ZNF606: variants seen among roughly 807,000 people sequenced by gnomAD.
ZNF606 encodes zinc finger protein 328.
Under a neutral mutation model 74.9 loss-of-function variants are expected in ZNF606, and 37 were observed. That is an observed-to-expected ratio of 0.49 (90% confidence interval 0.38 to 0.65). ZNF606 has a LOEUF of 0.65. Among genes scored for constraint, ZNF606 ranks in the 30% least tolerant of loss-of-function variants. The pLI is 0.00. For synonymous variants in ZNF606, 328 were observed against 312.4 expected, an observed-to-expected ratio of 1.05 and a Z score of -0.53; for missense variants, 852 against 952.9, an observed-to-expected ratio of 0.89 and a Z score of 1.39.
intron 6 of ZNF606, 74 bp downstream of exon 6, chr19:57,988,133 C>T (rs1340286306): frequency 4.9e-6 from 6 of 1,231,820 alleles, no homozygotes; most frequent in South Asian, 1.4e-5. Flanking sequence ...GGTAACTCTT[C>T]ATGGCCTTAT....
intron 3 of ZNF606, chr19:58,000,449 T>A (rs1412143258): frequency 9.8e-6 from 6 of 612,022 alleles, no homozygotes; most frequent in African/African-American, 1.8e-5. Context: ...ATGGTCTCGA[T>A]CTCCTGACCT....
In ZNF606 at chr19:57,979,070, T is replaced by C. The variant is rs1392048458; in HGVS notation, c.1610A>G (p.Glu537Gly). Residue 537 changes from glutamate to glycine, a missense_variant, in exon 7 of 7, where the codon GAG becomes GGG. Glu to Gly is a moderately conservative substitution (Grantham distance 98). This residue lies in a region of ZNF606 where 243 missense variants were observed against 359.2 expected (regional missense o/e 0.68). Coordinates refer to ENST00000551380, the MANE Select transcript of ZNF606 (RefSeq NM_001348022.3). ...LIAHMRMHTG[E>G]KPFKCDECEK... ...ACATTCATCACATTTAAAGGGTTTC[T>C]CTCCAGTATGCATTCTCATATGGGC... 6.2e-7 allele frequency: 1 copy of C among 1,614,026 alleles called. No homozygotes were observed. Among genetic ancestry groups the C allele is most frequent in the African/African-American group, 1.3e-5 (1 of 74,918 alleles).
At chr19:57,996,898 T>G (rs1301952840) in intron 4 of ZNF606, among the ~76,000 whole-genome samples, 1 of 152,240 alleles carries the variant, frequency 6.6e-6, no homozygotes, top group African/African-American at 2.4e-5. Context: ...ATCTAGGCAT[T>G]CTAAGCACTT....
At position 58,002,431 on chromosome 19, in the gene ZNF606, G is replaced by A. The variant is rs572115908; in HGVS notation, c.-87C>T. 172 of 455,884 alleles carry A rather than the reference G, an allele frequency of 3.8e-4. No homozygotes were observed. The highest frequency in any genetic ancestry group is 2.9e-3 in the African/African-American group (147 of 50,180). 28.2% of individuals were successfully genotyped at this position (455,884 alleles called of 1,614,324 possible). A position where few individuals can be genotyped will look rare whatever the true frequency, so the allele number is the denominator to read the frequency against. ...GCCGGCGGTCCCCCTTGAAGGCGGC[G>A]CAGCAGGATCGGGGTCTGCCCGCCT... On this transcript the variant is annotated 5_prime_UTR_variant, in exon 1 of 7. Coordinates refer to ENST00000551380, the MANE Select transcript of ZNF606 (RefSeq NM_001348022.3).
chr19:58,001,284 C>T lies in ZNF606; in HGVS notation c.31+5G>A, dbSNP rs201292254. The T allele has an allele frequency of 2.6e-5, 42 of 1,614,094 alleles. No individual in the cohort carries two copies. The highest frequency in any genetic ancestry group is 1.3e-4 in the Admixed American group (8 of 60,020). Reference sequence around the variant, plus strand: ...AGGCCCAGGAGAAACACAACTTGGACTCACCCCAGGAGGCCCACGGGTTGA... The same window carrying T: ...AGGCCCAGGAGAAACACAACTTGGATTCACCCCAGGAGGCCCACGGGTTGA... On this transcript the variant is annotated splice_donor_5th_base_variant and intron_variant, in intron 2 of 6. Transcript: ENST00000551380.
At position 57,978,796 on chromosome 19, in the gene ZNF606, T is replaced by G. The variant is rs772068767; in HGVS notation, c.1884A>C (p.Lys628Asn). ...CCATCTGGCTACAGGATTTTCCACA[T>G]TTATTACATTCATAGGGCTTAATTC... ...HSGIKPYECN[K>N]CGKSCSQMAH... The change falls in exon 7 of 7, where the codon AAA becomes AAC. Residue 628 changes from lysine (K) to asparagine (N), a missense_variant. Transcript: ENST00000551380. This position sits in a 1 kb window ranked among gnomAD's most constrained non-coding sequence, Gnocchi z 4.4. 1.5e-5 allele frequency: 25 copies of G among 1,614,084 alleles called. No homozygotes were observed. The highest frequency in any genetic ancestry group is 1.0e-4 in the Admixed American group (6 of 60,012).
At chr19:58,000,002 A>G (rs2123346503) in intron 3 of ZNF606, 106 bp from the exon 4 acceptor site, 1 of 920,708 alleles carries the variant, frequency 1.1e-6, no homozygotes, top group Non-Finnish European at 1.6e-6. Flanking sequence ...TTGAATGAGG[A>G]AAGAGACCCA....
In ZNF606 at chr19:57,978,291, T is replaced by C; in HGVS notation, c.*10A>G. 1 of 1,543,512 alleles carries C rather than the reference T, an allele frequency of 6.5e-7. No homozygotes were observed. The highest frequency in any genetic ancestry group is 8.7e-7 in the Non-Finnish European group (1 of 1,145,986). The stretch of plus-strand genomic sequence containing the variant: ...GTCAAATGTACAAGAAACGAAAAAC[T>C]CGCATAAATTCAATTCAGTTTCTCT... On this transcript the variant is annotated 3_prime_UTR_variant, in exon 7 of 7. Transcript: ENST00000551380. This position sits in a 1 kb window ranked among gnomAD's most constrained non-coding sequence, Gnocchi z 4.4.
In ZNF606 at chr19:57,978,375, A is replaced by C; in HGVS notation, c.2305T>G (p.Cys769Gly). Residue 769 changes from cysteine to glycine, a missense_variant, in exon 7 of 7, where the codon TGT (cysteine) becomes GGT (glycine). Around this residue, in one of 3 missense-constraint regions of ZNF606, gnomAD observed 64 missense variants for 51.1 expected, o/e 1.25. Transcript: ENST00000551380. The surrounding 1 kb of genome is among the most constrained non-coding windows in gnomAD (Gnocchi z 4.4). ...SGEKRFICSE[C>G]GKAFSGHSAL... is the part of the protein sequence containing the mutation. ...GAGTGACCACTAAAGGCTTTTCCACATTCACTGCATATAAAGCGTTTCTCT... is the reference window on the plus strand; with the variant it reads ...GAGTGACCACTAAAGGCTTTTCCACCTTCACTGCATATAAAGCGTTTCTCT... 6.2e-7 allele frequency: 1 copy of C among 1,610,724 alleles called. No homozygotes were observed. Among genetic ancestry groups the C allele is most frequent in the Admixed American group, 1.7e-5 (1 of 59,948 alleles).
At chr19:57,983,002 T>C (rs1235696348) in intron 6 of ZNF606, among the ~76,000 whole-genome samples, 2 of 152,086 alleles carry the variant, frequency 1.3e-5, no homozygotes, top group Non-Finnish European at 2.9e-5. Flanking sequence ...TATTATCAAT[T>C]TCAAGCTCAG....
chr19:58,001,673 C>T (rs74398254), intron 1 of ZNF606, among the ~76,000 whole-genome samples: 2 of 152,154 alleles, frequency 1.3e-5, no homozygotes, highest in African/African-American at 4.8e-5. Flanking sequence ...ATTGTAAAAT[C>T]AACTTGCAAT....
intron 4 of ZNF606, chr19:57,997,810 T>C (rs1368968064): frequency 6.6e-6 from 1 of 152,248 alleles, no homozygotes; most frequent in Admixed American, 6.5e-5. Context: ...CTACTGATTA[T>C]TCTGTCTTAG....
intron 3 of ZNF606, chr19:58,000,232 T>TA: frequency 4.8e-6 from 2 of 416,596 alleles, no homozygotes; most frequent in Non-Finnish European, 8.6e-6. Context: ...GGTTTTCTTT[T>TA]TTTTTTTGAG....
chr19:57,995,938 A>AAG (rs1183798451), intron 4 of ZNF606, among the ~76,000 whole-genome samples: 1 of 152,212 alleles, frequency 6.6e-6, no homozygotes, highest in East Asian at 1.9e-4. Context: ...TGGAAAGACA[A>AAG]AGAGTAAAAG....
intron 6 of ZNF606, among the ~76,000 whole-genome samples, chr19:57,984,424 G>A (rs1015593648): frequency 6.6e-6 from 1 of 152,162 alleles, no homozygotes; most frequent in Non-Finnish European, 1.5e-5. Flanking sequence ...AGCTCTTAGG[G>A]GAAAGTTTCC....
At chr19:58,002,356 G>C (rs916146571) in intron 1 of ZNF606, 40 bp downstream of exon 1, 18 of 456,608 alleles carry the variant, frequency 3.9e-5, no homozygotes, top group African/African-American at 3.2e-4. Context: ...CCTCAAGACC[G>C]ACGCGGCCGC....
In ZNF606 at chr19:57,979,505, C is replaced by A; in HGVS notation, c.1175G>T (p.Ser392Ile). The change falls in exon 7 of 7, where the codon AGC becomes ATC. Residue 392 changes from serine to isoleucine, a missense_variant. By Grantham distance (142) the Ser-to-Ile change is moderately radical (BLOSUM62 -2). Coordinates refer to ENST00000551380, the MANE Select transcript of ZNF606 (RefSeq NM_001348022.3). Reference protein sequence around the residue: ...GYDSFLTQHTSTYTAEKPYDY... With the variant: ...GYDSFLTQHTITYTAEKPYDY... ...ATAGGGTTTCTCTGCAGTGTAAGTGCTTGTATGTTGAGTAAGGAAAGAGTC... is the reference window on the plus strand; with the variant it reads ...ATAGGGTTTCTCTGCAGTGTAAGTGATTGTATGTTGAGTAAGGAAAGAGTC... 1 of 1,613,914 alleles carries A rather than the reference C, an allele frequency of 6.2e-7. No homozygotes were observed. Among genetic ancestry groups the A allele is most frequent in the Non-Finnish European group, 8.5e-7 (1 of 1,179,966 alleles).
In ZNF606 at chr19:57,978,973, T is replaced by C. The variant is rs1234391026; in HGVS notation, c.1707A>G (p.Lys569=). 1 of 1,614,032 alleles carries C rather than the reference T, an allele frequency of 6.2e-7. No individual in the cohort carries two copies. The highest frequency in any genetic ancestry group is 2.2e-5 in the East Asian group (1 of 44,890). Residue 569 remains lysine (K), a synonymous_variant, in exon 7 of 7, where the codon AAA becomes AAG. Transcript: ENST00000551380. This position sits in a 1 kb window ranked among gnomAD's most constrained non-coding sequence, Gnocchi z 4.4. ...TGAAGGATTTTCCACATTCAGTACA[T>C]TTATATGGTTTTGCTCCAGAATGAG... ...ERTHSGAKPY[K]CTECGKSFSW...
rs370266820 is a variant in ZNF606, at chr19:57,978,653, C to T, written c.2027G>A (p.Gly676Asp). The T allele has an allele frequency of 1.9e-6, 3 of 1,613,896 alleles. No homozygotes were observed. The highest frequency in any genetic ancestry group is 1.3e-5 in the African/African-American group (1 of 74,904). The stretch of plus-strand genomic sequence containing the variant: ...CTGATTACATTTATAGGGTTTCTCA[C>T]CAGTGTGAATTCTCCGATGAGCAAC... ...HLVAHRRIHTGEKPYKCNQCE... is the reference protein window; with the variant it reads ...HLVAHRRIHTDEKPYKCNQCE... Residue 676 changes from glycine to aspartate, a missense_variant, in exon 7 of 7, where the codon GGT becomes GAT. Coordinates refer to ENST00000551380, the MANE Select transcript of ZNF606 (RefSeq NM_001348022.3). This position sits in a 1 kb window ranked among gnomAD's most constrained non-coding sequence, Gnocchi z 4.4.
Sources: gnomAD v4.1 joint callset for allele counts (sites outside exome capture counted in the v4.1 genomes callset) on GRCh38, gnomAD v4.1.1 for gene constraint, gnomAD v4.1.1 regional missense constraint, Gnocchi (gnomAD v3.1) non-coding constraint, MANE v1.5 for transcripts, NCBI Gene and HGNC (gene_info 2026-07-23, HGNC 2026-07-21) for gene names.